The following UGT1A8 variants were observed in gnomAD, a reference collection of about 807,000 sequenced individuals.
UGT1A8 encodes the protein UDP glucuronosyltransferase family 1 member A8.
Under a neutral mutation model 45.3 loss-of-function variants are expected in UGT1A8, and 39 were observed. The ratio of observed to expected loss-of-function variants is 0.86; its 90% CI spans 0.67 to 1.12. The LOEUF (loss-of-function observed/expected upper bound fraction) is 1.12. Ranked by LOEUF, UGT1A8 falls within the 50% of genes most tolerant of loss-of-function variation. The probability of loss-of-function intolerance (pLI) is 0.00; values close to 1 mark genes in which losing one functional copy is unlikely to be tolerated. For missense variants in UGT1A8, 719 were observed against 664.9 expected (o/e 1.08, Z -0.90); for synonymous variants, 275 against 249.2 (o/e 1.10, Z -0.97).
intron 1 of UGT1A8, chr2:233,729,571 G>T (rs965988508): frequency 1.2e-6 from 2 of 1,614,100 alleles, no homozygotes; most frequent in Non-Finnish European, 1.7e-6. Flanking sequence ...CTTTGATGTG[G>T]TTTTAACAGA....
intron 1 of UGT1A8, chr2:233,691,708 C>G: frequency 1.1e-6 from 1 of 937,570 alleles, no homozygotes; most frequent in Non-Finnish European, 1.3e-6. Flanking sequence ...AGTCACTCCC[C>G]TGGCAGATGG....
chr2:233,738,870 C>T (rs1316553020), intron 1 of UGT1A8: 1 of 152,192 alleles, frequency 6.6e-6, no homozygotes, highest in Admixed American at 6.5e-5. Context: ...GAAAATGGCT[C>T]CAGGGCATGT....
chr2:233,769,449 G>A lies in UGT1A8; in HGVS notation c.1295+1010G>A, dbSNP rs538754639. ...GCTGTGCTCATGTGTGGGTGCACAC[G>A]TGTGCATTCATATGCGTGTGTGTGT... On this transcript the variant is annotated intron_variant, in intron 4 of 4. Coordinates refer to ENST00000373450, the MANE Select transcript of UGT1A8 (RefSeq NM_019076.5). The surrounding 1 kb of genome is among the most constrained non-coding windows in gnomAD (Gnocchi z 4.4). The A allele has an allele frequency of 8.2e-5, 130 of 1,580,920 alleles. 1 individual carries two copies. The highest frequency in any genetic ancestry group is 7.2e-4 in the African/African-American group (54 of 74,488).
At chr2:233,692,704 C>A in intron 1 of UGT1A8, 3 of 432,616 alleles carry the variant, frequency 6.9e-6, no homozygotes, top group Non-Finnish European at 9.2e-6. Context: ...CTCTCCAAGT[C>A]ATCTTCAAAG....
chr2:233,661,635 C>CT (rs200886254), intron 1 of UGT1A8, among the ~76,000 whole-genome samples: 113 of 82,780 alleles, frequency 1.4e-3, no homozygotes, highest in Middle Eastern at 7.1e-3. Context: ...TTCTTTCTTT[C>CT]TTTCTTTCTT....
At chr2:233,688,947 C>A (rs2074920768) in intron 1 of UGT1A8, among the ~76,000 whole-genome samples, 1 of 152,108 alleles carries the variant, frequency 6.6e-6, no homozygotes, top group Non-Finnish European at 1.5e-5. Flanking sequence ...AGCATGAAGC[C>A]AAATGTTTGG....
chr2:233,768,519 G>A, intron 4 of UGT1A8, 80 bp downstream of exon 4: 2 of 1,531,284 alleles, frequency 1.3e-6, no homozygotes, highest in Non-Finnish European at 1.8e-6. Flanking sequence ...CATTTACGTA[G>A]CATTTAATAG....
intron 1 of UGT1A8, among the ~76,000 whole-genome samples, chr2:233,689,248 C>T (rs1219951031): frequency 1.3e-5 from 2 of 152,214 alleles, no homozygotes. Flanking sequence ...GTGAGTGATT[C>T]AGACTTGACT....
chr2:233,643,039 G>C (rs188929391), intron 1 of UGT1A8, among the ~76,000 whole-genome samples: 1 of 152,294 alleles, frequency 6.6e-6, no homozygotes, highest in East Asian at 1.9e-4. Context: ...AAGGCCTGCT[G>C]TAACCACCTC....
intron 1 of UGT1A8, among the ~76,000 whole-genome samples, chr2:233,647,535 A>G (rs2073636439): frequency 6.6e-6 from 1 of 152,246 alleles, no homozygotes; most frequent in African/African-American, 2.4e-5. Flanking sequence ...TTGTGGGAAC[A>G]TTTGAAGTCA....
chr2:233,729,302 T>A, intron 1 of UGT1A8: 1 of 1,614,250 alleles, frequency 6.2e-7, no homozygotes, highest in Non-Finnish European at 8.5e-7. Context: ...CACCAGGCAG[T>A]GGTCCTCACC....
chr2:233,697,998 T>C (rs2075420632), intron 1 of UGT1A8, among the ~76,000 whole-genome samples: 1 of 152,132 alleles, frequency 6.6e-6, no homozygotes, highest in South Asian at 2.1e-4. Flanking sequence ...AAGGAAAAAA[T>C]ATCATTTCTG....
chr2:233,666,911 G>C (rs933255547), intron 1 of UGT1A8, among the ~76,000 whole-genome samples: 1 of 150,750 alleles, frequency 6.6e-6, no homozygotes, highest in Non-Finnish European at 1.5e-5. Flanking sequence ...TTGGTTTCTT[G>C]TCCTTGTGGT....
Position 233,682,666 on chromosome 2 carries a change from T to C in UGT1A8, c.855+64104T>C, listed in dbSNP as rs140179150. ...TCCAAACCCCTGTCACGGCATATGA[T>C]CTCTACAGCCACACATCAATTTGGT... On this transcript the variant is annotated intron_variant, in intron 1 of 4. Transcript: ENST00000373450. 1.0e-4 allele frequency: 166 copies of C among 1,613,914 alleles called. No homozygotes were observed. Among genetic ancestry groups the C allele is most frequent in the Middle Eastern group, 8.3e-4 (5 of 6,054 alleles).
chr2:233,737,607 T>A (rs970268869), intron 1 of UGT1A8, among the ~76,000 whole-genome samples: 49 of 152,170 alleles, frequency 3.2e-4, no homozygotes, highest in African/African-American at 1.2e-3. Flanking sequence ...GGTACCTCAG[T>A]TGGAAATGCA....
chr2:233,642,762 G>A (rs2073485149), intron 1 of UGT1A8, among the ~76,000 whole-genome samples: 1 of 152,220 alleles, frequency 6.6e-6, no homozygotes, highest in Non-Finnish European at 1.5e-5. Context: ...GGTTCTTGCA[G>A]ACTTGTAGAT....
At chr2:233,685,105 A>G (rs1206103329) in intron 1 of UGT1A8, among the ~76,000 whole-genome samples, 1 of 152,196 alleles carries the variant, frequency 6.6e-6, no homozygotes, top group East Asian at 1.9e-4. Flanking sequence ...ACAAAATCTT[A>G]TTGAGTCTAT....
At chr2:233,754,553 C>G (rs139007444) in intron 1 of UGT1A8, 1 of 387,854 alleles carries the variant, frequency 2.6e-6, no homozygotes, top group Non-Finnish European at 5.1e-6. Context: ...TACTTGGTGT[C>G]AATGGGGAGC....
rs1030911458 is a variant in UGT1A8 at position 233,746,492 on chromosome 2, A to G, written c.856-20542A>G. Among the ~76,000 whole-genome samples, 6 of 151,536 alleles carry G rather than the reference A, an allele frequency of 4.0e-5. 1 individual carries two copies. Among genetic ancestry groups the G allele is most frequent in the African/African-American group, 1.5e-4 (6 of 40,956 alleles). ...CAGAAACACTTTCCATGGACATGTC[A>G]CTCTTTAGTAGCCCCCAAAGCAAGA... On this transcript the variant is annotated intron_variant, in intron 1 of 4. Coordinates refer to ENST00000373450, the MANE Select transcript of UGT1A8 (RefSeq NM_019076.5).
Sources: allele counts gnomAD v4.1 joint callset (sites outside exome capture counted in the v4.1 genomes callset), GRCh38; gene constraint gnomAD v4.1.1; non-coding constraint Gnocchi (gnomAD v3.1); transcripts MANE v1.5; gene names NCBI Gene and HGNC (gene_info 2026-07-23, HGNC 2026-07-21).